Variants in SEMA6D observed in about 807,000 individuals in gnomAD.
The protein encoded by SEMA6D is semaphorin-6D.
Under a neutral mutation model 106.6 loss-of-function variants are expected in SEMA6D, and 35 were observed. The ratio of observed to expected loss-of-function variants is 0.33; its 90% CI spans 0.25 to 0.44. The LOEUF is 0.44. Among genes scored for constraint, SEMA6D ranks in the 20% least tolerant of loss-of-function variants. The probability of loss-of-function intolerance (pLI) is 1.00; values close to 1 mark genes in which losing one functional copy is unlikely to be tolerated. For synonymous variants in SEMA6D, 499 were observed against 487.7 expected (o/e 1.02, Z -0.31); for missense variants, 1,185 against 1,345.9 (o/e 0.88, Z 1.87).
chr15:47,292,479 C>CT (rs200734066), intron 1 of SEMA6D, among the ~76,000 whole-genome samples: 3,370 of 151,310 alleles, frequency 0.022, 71 homozygotes, highest in African/African-American at 0.037. Flanking sequence ...GCAATGCTTT[C>CT]TTTTTTTTTA....
chr15:47,212,325 C>A (rs183015066), intron 1 of SEMA6D, among the ~76,000 whole-genome samples: 13 of 152,148 alleles, frequency 8.5e-5, no homozygotes, highest in Admixed American at 6.5e-4. Context: ...GTTGTGTATA[C>A]CTGTGAGAAA....
At chr15:47,232,783 G>A (rs891304576) in intron 1 of SEMA6D, among the ~76,000 whole-genome samples, 27 of 151,766 alleles carry the variant, frequency 1.8e-4, no homozygotes, top group African/African-American at 4.4e-4. Context: ...AAGGTTTTTA[G>A]TGTGATTATT....
At chr15:47,334,828 G>A (rs927725005) in intron 1 of SEMA6D, among the ~76,000 whole-genome samples, 7 of 152,202 alleles carry the variant, frequency 4.6e-5, no homozygotes, top group African/African-American at 1.4e-4. Context: ...GGAATTAAGG[G>A]ATGATGGTAG....
At chr15:47,559,337 C>T (rs1473731309) in intron 3 of SEMA6D, among the ~76,000 whole-genome samples, 1 of 152,014 alleles carries the variant, frequency 6.6e-6, no homozygotes, top group Non-Finnish European at 1.5e-5. Context: ...TCAAAATTAA[C>T]CAAAGACAGA....
intron 3 of SEMA6D, among the ~76,000 whole-genome samples, chr15:47,502,411 A>G (rs777960528): frequency 6.6e-6 from 1 of 152,182 alleles, no homozygotes; most frequent in African/African-American, 2.4e-5. Flanking sequence ...ATTCAGCTGC[A>G]TGGTCTCTGT....
At chr15:47,463,597 G>A (rs2042577431) in intron 2 of SEMA6D, among the ~76,000 whole-genome samples, 1 of 152,144 alleles carries the variant, frequency 6.6e-6, no homozygotes, top group Non-Finnish European at 1.5e-5. Flanking sequence ...GTATGTCGGG[G>A]GAATCCCCGT....
At chr15:47,373,214 G>A (rs751892160) in intron 1 of SEMA6D, among the ~76,000 whole-genome samples, 1 of 152,168 alleles carries the variant, frequency 6.6e-6, no homozygotes, top group African/African-American at 2.4e-5. Flanking sequence ...GCCATCTCAG[G>A]TGCTGTTGAT....
intron 4 of SEMA6D, among the ~76,000 whole-genome samples, chr15:47,651,488 G>A (rs1371572729): frequency 6.6e-6 from 1 of 152,164 alleles, no homozygotes; most frequent in Non-Finnish European, 1.5e-5. Context: ...AAAATAGCCT[G>A]ATTCCTAATC....
intron 1 of SEMA6D, among the ~76,000 whole-genome samples, chr15:47,349,747 T>A (rs573723234): frequency 1.3e-5 from 2 of 152,292 alleles, no homozygotes; most frequent in South Asian, 4.1e-4. Context: ...TTTTGGTAAC[T>A]GCCTGGAGTA....
rs190984763 is a variant in SEMA6D, at chr15:47,629,124, G to C, written c.-55+28228G>C. On this transcript the variant is annotated intron_variant, in intron 4 of 19. Coordinates refer to the SEMA6D transcript ENST00000558014. ...CCCTCCTCTAATACCACACACTCTTGATTACTGCAGCTACATAATAAGTCA... is the reference window on the plus strand; with the variant it reads ...CCCTCCTCTAATACCACACACTCTTCATTACTGCAGCTACATAATAAGTCA... 2.1e-3 allele frequency among the ~76,000 whole-genome samples: 316 copies of C among 152,116 alleles called. 3 individuals carry two copies. The highest frequency in any genetic ancestry group is 0.012 in the South Asian group (57 of 4,818).
intron 4 of SEMA6D, among the ~76,000 whole-genome samples, chr15:47,652,944 A>G (rs2077721105): frequency 6.6e-6 from 1 of 152,202 alleles, no homozygotes; most frequent in Admixed American, 6.5e-5. Flanking sequence ...GACAGCAACC[A>G]AGATTATATA....
chr15:47,300,577 G>A (rs1435357764), intron 1 of SEMA6D, among the ~76,000 whole-genome samples: 1 of 152,082 alleles, frequency 6.6e-6, no homozygotes, highest in African/African-American at 2.4e-5. Context: ...TTTTTTAACA[G>A]AACAGACAGA....
intron 1 of SEMA6D, among the ~76,000 whole-genome samples, chr15:47,756,896 ATT>A (rs71719777): frequency 0.035 from 4,661 of 133,586 alleles, 228 homozygotes; most frequent in African/African-American, 0.12. Flanking sequence ...TCTGAATGTA[ATT>A]TTTTTTTTTT....
chr15:47,770,555 C>T lies in SEMA6D; in HGVS notation c.1992C>T (p.Leu664=). The change falls in exon 19 of 19, where the codon CTC becomes CTT. Residue 664 remains leucine, a synonymous_variant. Transcript: ENST00000536845. ...ACCAGATGGTCCACATGAATGTCCT[C>T]ATCACCTGTGTCTTTGCTGCTTTTG... ...ESNQMVHMNV[L]ITCVFAAFVL... 6.2e-7 allele frequency: 1 copy of T among 1,613,418 alleles called. No individual in the cohort carries two copies. Among genetic ancestry groups the T allele is most frequent in the Non-Finnish European group, 8.5e-7 (1 of 1,179,528 alleles).
chr15:47,467,951 T>C (rs975138274), intron 2 of SEMA6D, among the ~76,000 whole-genome samples: 2 of 152,090 alleles, frequency 1.3e-5, no homozygotes, highest in African/African-American at 4.8e-5. Flanking sequence ...AATTATATTA[T>C]AATAATATTA....
intron 1 of SEMA6D, 102 bp downstream of exon 1, chr15:47,717,794 T>TGTGC (rs1379079967): frequency 1.5e-5 from 2 of 132,912 alleles, no homozygotes; most frequent in African/African-American, 3.7e-5. Context: ...TGTGTGTGTG[T>TGTGC]GCGCGCGGTG....
chr15:47,222,578 A>G (rs79820706), intron 1 of SEMA6D, among the ~76,000 whole-genome samples: 2,291 of 152,204 alleles, frequency 0.015, 36 homozygotes, highest in Middle Eastern at 0.044. Context: ...CCAAAACAAA[A>G]CAGTTATTCT....
In SEMA6D at chr15:47,512,938, G is replaced by A. The variant is rs78561048; in HGVS notation, c.-87+42393G>A. ...TGTGTTCCATGCAGTGGGGAGAGGTGGCCATGAGAGCACAAACCAAGGCAG... is the reference window on the plus strand; with the variant it reads ...TGTGTTCCATGCAGTGGGGAGAGGTAGCCATGAGAGCACAAACCAAGGCAG... On this transcript the variant is annotated intron_variant, in intron 3 of 19. Coordinates refer to the SEMA6D transcript ENST00000558014. 5.8e-3 allele frequency among the ~76,000 whole-genome samples: 879 copies of A among 152,284 alleles called. 10 individuals carry two copies. The highest frequency in any genetic ancestry group is 0.04 in the East Asian group (207 of 5,180).
chr15:47,431,286 A>T (rs1057143440), intron 2 of SEMA6D, among the ~76,000 whole-genome samples: 3 of 152,240 alleles, frequency 2.0e-5, no homozygotes, highest in Middle Eastern at 3.4e-3. Flanking sequence ...TATTAAATTA[A>T]ATAATAAACC....
Sources: allele counts gnomAD v4.1 joint callset (sites outside exome capture counted in the v4.1 genomes callset), GRCh38; gene constraint gnomAD v4.1.1; transcripts MANE v1.5; gene names NCBI Gene and HGNC (gene_info 2026-07-23, HGNC 2026-07-21).